RHEB: variants seen among roughly 807,000 people sequenced by gnomAD.
RHEB encodes Ras homolog, mTORC1 binding.
In RHEB, 2 loss-of-function variants were observed where a neutral mutation model predicts 28.8. That is an observed-to-expected ratio of 0.07 (90% CI 0.03 to 0.22). The LOEUF is 0.22. Ranked by LOEUF, RHEB falls within the 10% of genes least tolerant of loss-of-function variation. The pLI, the probability that RHEB is intolerant of heterozygous loss-of-function variation, is 1.00. For missense variants in RHEB, 76 were observed against 219.9 expected (o/e 0.35, Z 4.14); for synonymous variants, 69 against 77.3 (o/e 0.89, Z 0.56).
intron 7 of RHEB, among the ~76,000 whole-genome samples, chr7:151,467,973 C>T (rs1370348564): frequency 2.0e-5 from 3 of 152,088 alleles, no homozygotes; most frequent in Non-Finnish European, 4.4e-5. Flanking sequence ...AGCCTAGCCT[C>T]GCCTCCTTAT....
intron 3 of RHEB, among the ~76,000 whole-genome samples, chr7:151,479,407 G>A (rs148069207): frequency 3.9e-5 from 6 of 152,126 alleles, no homozygotes. Context: ...ATAAGGCCGG[G>A]CACAATGGCT....
intron 3 of RHEB, among the ~76,000 whole-genome samples, chr7:151,484,024 T>C (rs1007812019): frequency 9.2e-5 from 14 of 152,288 alleles, no homozygotes; most frequent in East Asian, 1.9e-4. Context: ...ATCAAATAAA[T>C]TGAAACTCCC....
chr7:151,483,065 C>T lies in RHEB; in HGVS notation c.192+1672G>A, dbSNP rs2299964. On this transcript the variant is annotated intron_variant, in intron 3 of 7. Transcript: ENST00000262187. The stretch of plus-strand genomic sequence containing the variant: ...TGACTGCTAAAGCACACTGCATCAC[C>T]ACCAGCAGGGAGTGTGTAGGGTGAG... Among the ~76,000 whole-genome samples the T allele has an allele frequency of 0.011, 1,650 of 152,308 alleles. 45 individuals carry two copies. In the East Asian group the frequency reaches 0.11, roughly 11 times the overall value.
In RHEB at chr7:151,468,916, G is replaced by C. The variant is rs1310649130; in HGVS notation, c.462+1655C>G. Among the ~76,000 whole-genome samples, 2 of 152,178 alleles carry C rather than the reference G, an allele frequency of 1.3e-5. No homozygotes were observed. Among genetic ancestry groups the C allele is most frequent in the Non-Finnish European group, 1.5e-5 (1 of 68,030 alleles). Reference sequence around the variant, plus strand: ...AGTTCTTATACCACGTAAGGTAGTGGGTGATCTTAGAAAAGTCATTTAACT... The same window carrying C: ...AGTTCTTATACCACGTAAGGTAGTGCGTGATCTTAGAAAAGTCATTTAACT... On this transcript the variant is annotated intron_variant, in intron 7 of 7. Coordinates refer to ENST00000262187, the MANE Select transcript of RHEB (RefSeq NM_005614.4). This position sits in a 1 kb window ranked among gnomAD's most constrained non-coding sequence, Gnocchi z 4.3.
At chr7:151,469,939 A>G (rs924206032) in intron 7 of RHEB, among the ~76,000 whole-genome samples, 1 of 152,146 alleles carries the variant, frequency 6.6e-6, no homozygotes, top group Admixed American at 6.5e-5. Flanking sequence ...CAGCAAAAAA[A>G]ATGTATAGGT....
chr7:151,473,534 T>C, intron 4 of RHEB, among the ~76,000 whole-genome samples: 1 of 152,200 alleles, frequency 6.6e-6, no homozygotes, highest in East Asian at 1.9e-4. Context: ...TTTCTTGAGA[T>C]CACTGATTTT....
At chr7:151,502,070 T>C in intron 1 of RHEB, 1 of 398,988 alleles carries the variant, frequency 2.5e-6, no homozygotes, top group Non-Finnish European at 4.6e-6. Context: ...ACCCTGTCTC[T>C]ACTAAAAATA....
chr7:151,490,114 C>T (rs1246640263), intron 2 of RHEB, among the ~76,000 whole-genome samples: 1 of 152,146 alleles, frequency 6.6e-6, no homozygotes, highest in African/African-American at 2.4e-5. Flanking sequence ...TTCCCTGCTT[C>T]AGATTATCCT....
Position 151,480,236 on chromosome 7 carries a change from T to G in RHEB, c.193-2821A>C, listed in dbSNP as rs188910580. 1.9e-4 allele frequency among the ~76,000 whole-genome samples: 29 copies of G among 152,278 alleles called. No homozygotes were observed. The East Asian group carries it at 5.2e-3, about 27-fold the overall frequency. On this transcript the variant is annotated intron_variant, in intron 3 of 7. Coordinates refer to ENST00000262187, the MANE Select transcript of RHEB (RefSeq NM_005614.4). ...ATGTTCATTAAGGGACTGCTGATGG[T>G]AGCAAGACCAGCAACAGTCTAACTG... is the stretch of plus-strand genomic sequence containing the variant.
chr7:151,476,191 C>T (rs905953447), intron 4 of RHEB, among the ~76,000 whole-genome samples: 6 of 152,082 alleles, frequency 3.9e-5, no homozygotes, highest in South Asian at 2.1e-4. Context: ...TTCTCTGCCA[C>T]GGAGAAAAAT....
chr7:151,469,735 T>TG (rs1366082563), intron 7 of RHEB, among the ~76,000 whole-genome samples: 1 of 151,826 alleles, frequency 6.6e-6, no homozygotes, highest in Non-Finnish European at 1.5e-5. Flanking sequence ...GGACAGGAGA[T>TG]GGTGTGTTTA....
intron 1 of RHEB, 125 bp from the exon 2 acceptor site, chr7:151,491,139 C>A: frequency 3.2e-6 from 2 of 631,038 alleles, no homozygotes; most frequent in Non-Finnish European, 5.6e-6. Context: ...AGAAAACATT[C>A]ATTTAATTAG....
chr7:151,471,505 TAA>T (rs1401213644), intron 5 of RHEB, 42 bp downstream of exon 5: 1 of 1,553,860 alleles, frequency 6.4e-7, no homozygotes. Context: ...AAGATACTAT[TAA>T]AAGAAGTTTC....
At chr7:151,502,483 T>C in intron 1 of RHEB, 1 of 895,050 alleles carries the variant, frequency 1.1e-6, no homozygotes, top group South Asian at 1.3e-5. Flanking sequence ...GTGGAACAAC[T>C]GTAACAGAAG....
chr7:151,485,685 G>A (rs1182078359), intron 2 of RHEB, among the ~76,000 whole-genome samples: 2 of 152,172 alleles, frequency 1.3e-5, no homozygotes, highest in African/African-American at 4.8e-5. Flanking sequence ...GAAAGGCAAA[G>A]CTGACACAGA....
chr7:151,477,841 T>C (rs760691161), intron 3 of RHEB, among the ~76,000 whole-genome samples: 5 of 152,188 alleles, frequency 3.3e-5, no homozygotes, highest in Non-Finnish European at 7.3e-5. Context: ...TGATTTATTC[T>C]CTGCATGTCA....
At chr7:151,509,603 A>G (rs945538292) in intron 1 of RHEB, among the ~76,000 whole-genome samples, 2 of 151,178 alleles carry the variant, frequency 1.3e-5, no homozygotes, top group Non-Finnish European at 2.9e-5. Context: ...TCCCATTTCT[A>G]CTCCCTTACC....
At chr7:151,470,809 G>T (rs1410475441) in intron 6 of RHEB, among the ~76,000 whole-genome samples, 157 bp from the exon 7 acceptor site, 1 of 152,234 alleles carries the variant, frequency 6.6e-6, no homozygotes, top group Non-Finnish European at 1.5e-5. Context: ...TGTAACACAG[G>T]AGTGTTTTAA....
chr7:151,500,253 T>A (rs887189993), intron 1 of RHEB, among the ~76,000 whole-genome samples: 2 of 152,322 alleles, frequency 1.3e-5, no homozygotes, highest in South Asian at 4.1e-4. Context: ...TGGACTTTTT[T>A]TAGTCCACTT....
Sources: gnomAD v4.1 joint callset for allele counts (sites outside exome capture counted in the v4.1 genomes callset) on GRCh38, gnomAD v4.1.1 for gene constraint, Gnocchi (gnomAD v3.1) non-coding constraint, MANE v1.5 for transcripts, NCBI Gene and HGNC (gene_info 2026-07-23, HGNC 2026-07-21) for gene names.